Variants in FAM227B observed in about 807,000 individuals in gnomAD.
The protein encoded by FAM227B is protein FAM227B.
Under a neutral mutation model 73.8 loss-of-function variants are expected in FAM227B, and 88 were observed. That is an observed-to-expected ratio of 1.19 (90% CI 1.00 to 1.42). The LOEUF (loss-of-function observed/expected upper bound fraction) is 1.42, where lower values mean the gene tolerates loss of function less well. Among genes scored for constraint, FAM227B ranks in the 40% most tolerant of loss-of-function variants. The probability of loss-of-function intolerance (pLI) is 0.00; values close to 1 mark genes in which losing one functional copy is unlikely to be tolerated. For missense variants in FAM227B, 632 were observed against 590.9 expected, an observed-to-expected ratio of 1.07 and a Z score of -0.72; for synonymous variants, 210 against 190.5, an observed-to-expected ratio of 1.10 and a Z score of -0.84.
chr15:49,379,357 T>C (rs926691635), intron 11 of FAM227B, among the ~76,000 whole-genome samples: 2 of 152,174 alleles, frequency 1.3e-5, no homozygotes, highest in African/African-American at 4.8e-5. Context: ...CTCTAGTTTT[T>C]GATTTTGAGT....
chr15:49,462,814 G>A (rs1011570264), intron 11 of FAM227B, among the ~76,000 whole-genome samples: 7 of 152,106 alleles, frequency 4.6e-5, no homozygotes, highest in African/African-American at 1.7e-4. Flanking sequence ...TGTATAGAAA[G>A]GATGACTGTA....
At chr15:49,441,487 C>A (rs1453850958) in intron 11 of FAM227B, among the ~76,000 whole-genome samples, 1 of 151,650 alleles carries the variant, frequency 6.6e-6, no homozygotes, top group Non-Finnish European at 1.5e-5. Flanking sequence ...CCAACAGGAG[C>A]TCCAGAGGAC....
intron 9 of FAM227B, among the ~76,000 whole-genome samples, chr15:49,559,298 G>A (rs989740297): frequency 2.6e-5 from 4 of 152,062 alleles, no homozygotes; most frequent in African/African-American, 9.7e-5. Flanking sequence ...CTTGCCATTT[G>A]GGCATTTGTG....
At chr15:49,457,378 T>A (rs900623196) in intron 11 of FAM227B, among the ~76,000 whole-genome samples, 2 of 152,030 alleles carry the variant, frequency 1.3e-5, no homozygotes, top group African/African-American at 4.8e-5. Flanking sequence ...TTATGAGAGA[T>A]AACTTTTTTA....
At chr15:49,547,533 C>A (rs1432464126) in intron 9 of FAM227B, among the ~76,000 whole-genome samples, 19 of 152,014 alleles carry the variant, frequency 1.2e-4, no homozygotes, top group Non-Finnish European at 2.4e-4. Context: ...TTCAGGAAAC[C>A]CATCTCAAGT....
At chr15:49,358,602 G>A (rs1476725843) in intron 13 of FAM227B, among the ~76,000 whole-genome samples, 1 of 149,302 alleles carries the variant, frequency 6.7e-6, no homozygotes, top group East Asian at 2.0e-4. Flanking sequence ...ACAAACAAAT[G>A]GAAGAACATT....
chr15:49,373,362 T>G (rs192953021), intron 11 of FAM227B, among the ~76,000 whole-genome samples: 3 of 152,120 alleles, frequency 2.0e-5, no homozygotes, highest in African/African-American at 7.2e-5. Flanking sequence ...CTACATATGA[T>G]GACTAATCAA....
At chr15:49,356,301 G>A (rs1377929953) in intron 13 of FAM227B, among the ~76,000 whole-genome samples, 2 of 151,418 alleles carry the variant, frequency 1.3e-5, no homozygotes, top group Non-Finnish European at 2.9e-5. Flanking sequence ...ATTGGATAAA[G>A]AGTCAAGACC....
chr15:49,369,069 C>T (rs1176876253), intron 12 of FAM227B, among the ~76,000 whole-genome samples: 1 of 152,198 alleles, frequency 6.6e-6, no homozygotes, highest in Non-Finnish European at 1.5e-5. Flanking sequence ...CGCCATTCTC[C>T]TGCCTCAGCC....
intron 11 of FAM227B, among the ~76,000 whole-genome samples, chr15:49,435,213 C>T (rs2050994351): frequency 6.6e-6 from 1 of 151,494 alleles, no homozygotes. Context: ...TTACCTATGT[C>T]AGCTGTTGAC....
Position 49,508,327 on chromosome 15 carries a change from AAG to A in FAM227B, c.894_895del (p.Phe299LeufsTer17). The A allele has an allele frequency of 6.2e-7, 1 of 1,602,176 alleles. No homozygotes were observed. Among genetic ancestry groups the A allele is most frequent in the South Asian group, 1.1e-5 (1 of 88,364 alleles). ...TTCTTTCAGTTTCCAGTGGATCCAA[AAG>A]CCTTTTTGAGGTTTTAAACCTGTTA... On this transcript the variant is annotated frameshift_variant, in exon 11 of 16. Transcript: ENST00000299338. LOFTEE classifies it high-confidence loss of function.
chr15:49,589,588 C>G (rs1048182789), intron 4 of FAM227B, among the ~76,000 whole-genome samples, 188 bp downstream of exon 4: 19 of 140,138 alleles, frequency 1.4e-4, no homozygotes, highest in East Asian at 4.2e-4. Flanking sequence ...CACACACACA[C>G]AGACAACTGA....
chr15:49,534,477 G>T (rs923365647), intron 10 of FAM227B, among the ~76,000 whole-genome samples: 1 of 151,706 alleles, frequency 6.6e-6, no homozygotes, highest in Non-Finnish European at 1.5e-5. Flanking sequence ...ATAAACCAAA[G>T]ATTATTTGAC....
chr15:49,609,468 T>G (rs949370117), intron 3 of FAM227B, among the ~76,000 whole-genome samples: 2 of 151,908 alleles, frequency 1.3e-5, no homozygotes, highest in African/African-American at 4.8e-5. Context: ...AACATGTAGG[T>G]TGCAAGTACT....
intron 11 of FAM227B, among the ~76,000 whole-genome samples, chr15:49,412,987 TC>T (rs1386174308): frequency 6.6e-6 from 1 of 152,118 alleles, no homozygotes. Flanking sequence ...TCCCCTCTAA[TC>T]CTGGTCTTCT....
intron 11 of FAM227B, among the ~76,000 whole-genome samples, chr15:49,494,352 C>G (rs1219123251): frequency 1.3e-5 from 2 of 151,618 alleles, no homozygotes; most frequent in African/African-American, 4.8e-5. Flanking sequence ...CGTATATTGT[C>G]AAGAACTGCA....
chr15:49,331,922 T>C (rs954901438), intron 14 of FAM227B, 73 bp from the exon 15 acceptor site: 3 of 857,084 alleles, frequency 3.5e-6, no homozygotes, highest in South Asian at 2.8e-5. Flanking sequence ...ATAGCCAACA[T>C]TTATTAAGAA....
At chr15:49,610,435 A>AC (rs1567700292) in intron 3 of FAM227B, among the ~76,000 whole-genome samples, 2 of 151,438 alleles carry the variant, frequency 1.3e-5, no homozygotes, top group African/African-American at 2.4e-5. Flanking sequence ...AAAAAAAAAA[A>AC]AAAAAACTTG....
At chr15:49,518,591 G>C (rs1263224969) in intron 10 of FAM227B, among the ~76,000 whole-genome samples, 1 of 152,100 alleles carries the variant, frequency 6.6e-6, no homozygotes, top group Non-Finnish European at 1.5e-5. Context: ...CAGCAGGCAA[G>C]AATGATCACG....
Sources: gnomAD v4.1 joint callset for allele counts (sites outside exome capture counted in the v4.1 genomes callset) on GRCh38, gnomAD v4.1.1 for gene constraint, MANE v1.5 for transcripts, NCBI Gene and HGNC (gene_info 2026-07-23, HGNC 2026-07-21) for gene names.